HTR1F: variants seen among roughly 807,000 people sequenced by gnomAD.
HTR1F encodes 5-hydroxytryptamine (serotonin) receptor 1F, G protein-coupled.
A neutral mutation model predicts 24.0 loss-of-function variants in HTR1F; 17 were observed. The ratio of observed to expected loss-of-function variants is 0.71; its 90% CI spans 0.48 to 1.06. The LOEUF (loss-of-function observed/expected upper bound fraction) is 1.06, where lower values mean the gene tolerates loss of function less well. Among genes scored for constraint, HTR1F ranks in the 50% least tolerant of loss-of-function variants. HTR1F has a pLI of 0.00. For synonymous variants in HTR1F, 186 were observed against 156.8 expected (o/e 1.19, Z -1.39); for missense variants, 391 against 427.8 (o/e 0.91, Z 0.76).
intron 2 of HTR1F, among the ~76,000 whole-genome samples, chr3:87,837,490 G>A (rs1368094283): frequency 6.6e-6 from 1 of 152,002 alleles, no homozygotes; most frequent in Admixed American, 6.6e-5. Flanking sequence ...TCCGGAAGCT[G>A]AATATGTGTC....
intron 2 of HTR1F, among the ~76,000 whole-genome samples, chr3:87,967,816 T>A (rs868733245): frequency 5.3e-5 from 8 of 152,214 alleles, no homozygotes; most frequent in Middle Eastern, 6.3e-3. Context: ...GTCTCAGGTA[T>A]GTGTATCAGC....
chr3:87,850,086 G>A lies in HTR1F; in HGVS notation c.-43+27962G>A, dbSNP rs1229033145. Reference sequence around the variant, plus strand: ...GGATCTAAAACTAGAAATACCGTTTGACCCAGCCATCCCATTACTGGGTAT... The same window carrying A: ...GGATCTAAAACTAGAAATACCGTTTAACCCAGCCATCCCATTACTGGGTAT... On this transcript the variant is annotated intron_variant, in intron 2 of 2. Coordinates refer to ENST00000319595, the MANE Select transcript of HTR1F (RefSeq NM_001322209.2). Among the ~76,000 whole-genome samples the A allele has an allele frequency of 3.3e-5, 5 of 151,910 alleles. 2 individuals carry two copies. The highest frequency in any genetic ancestry group is 1.2e-4 in the African/African-American group (5 of 41,208).
intron 2 of HTR1F, among the ~76,000 whole-genome samples, chr3:87,940,885 G>A (rs996080017): frequency 3.9e-5 from 6 of 152,282 alleles, no homozygotes; most frequent in African/African-American, 1.2e-4. Flanking sequence ...ATCATGAGAT[G>A]TCCACACAGT....
intron 2 of HTR1F, among the ~76,000 whole-genome samples, chr3:87,849,486 A>T (rs1559604768): frequency 6.6e-6 from 1 of 151,928 alleles, no homozygotes; most frequent in Admixed American, 6.6e-5. Flanking sequence ...TACATGTTAG[A>T]CCTAAAACCA....
At chr3:87,806,597 C>T (rs1020746471) in intron 1 of HTR1F, among the ~76,000 whole-genome samples, 5 of 151,962 alleles carry the variant, frequency 3.3e-5, no homozygotes, top group African/African-American at 1.2e-4. Flanking sequence ...TTCTCCTATT[C>T]AACAGGTTGT....
intron 2 of HTR1F, among the ~76,000 whole-genome samples, chr3:87,909,193 A>G (rs547029952): frequency 2.7e-4 from 41 of 152,142 alleles, no homozygotes; most frequent in Admixed American, 1.6e-3. Flanking sequence ...AGGAGATAGC[A>G]TATGGTGTGG....
intron 2 of HTR1F, among the ~76,000 whole-genome samples, chr3:87,888,286 A>G (rs1222592122): frequency 6.6e-6 from 1 of 152,140 alleles, no homozygotes; most frequent in Non-Finnish European, 1.5e-5. Context: ...ACTTGGATAC[A>G]GGAAAGGGAA....
intron 2 of HTR1F, among the ~76,000 whole-genome samples, chr3:87,967,383 G>A (rs914141178): frequency 1.8e-4 from 28 of 152,068 alleles, no homozygotes; most frequent in African/African-American, 6.5e-4. Context: ...CAAGGAGGCG[G>A]AGGTTACAAT....
intron 2 of HTR1F, among the ~76,000 whole-genome samples, chr3:87,922,264 T>C (rs939959607): frequency 6.6e-6 from 1 of 152,002 alleles, no homozygotes; most frequent in Non-Finnish European, 1.5e-5. Flanking sequence ...CATTTGCATT[T>C]TCCTGATTAA....
intron 2 of HTR1F, among the ~76,000 whole-genome samples, chr3:87,868,529 A>G (rs1306482381): frequency 6.6e-6 from 1 of 151,944 alleles, no homozygotes; most frequent in Non-Finnish European, 1.5e-5. Flanking sequence ...ATCTTTGAAT[A>G]TATTCTGTTT....
chr3:87,949,777 T>G (rs906406696), intron 2 of HTR1F, among the ~76,000 whole-genome samples: 1 of 152,212 alleles, frequency 6.6e-6, no homozygotes, highest in Non-Finnish European at 1.5e-5. Context: ...CTTCATTTTC[T>G]TTCATTTTCT....
intron 2 of HTR1F, among the ~76,000 whole-genome samples, chr3:87,867,733 T>C (rs542572527): frequency 2.6e-5 from 4 of 152,146 alleles, no homozygotes; most frequent in Non-Finnish European, 4.4e-5. Flanking sequence ...ATCATATTAC[T>C]AAAAGTGTTC....
intron 2 of HTR1F, among the ~76,000 whole-genome samples, chr3:87,945,721 G>A (rs879426935): frequency 7.9e-5 from 12 of 152,152 alleles, no homozygotes; most frequent in Admixed American, 3.3e-4. Flanking sequence ...CAGCAGCCAC[G>A]CTAATCGTTT....
chr3:87,986,300 C>T (rs574772254), intron 2 of HTR1F, among the ~76,000 whole-genome samples: 2 of 152,200 alleles, frequency 1.3e-5, no homozygotes, highest in East Asian at 3.9e-4. Context: ...AAAAATAAAA[C>T]CCAACGCCAT....
At chr3:87,962,578 T>C (rs1483192058) in intron 2 of HTR1F, among the ~76,000 whole-genome samples, 2 of 152,054 alleles carry the variant, frequency 1.3e-5, no homozygotes, top group Non-Finnish European at 2.9e-5. Flanking sequence ...AATTCATTCA[T>C]TATAAATATA....
chr3:87,965,103 A>G (rs1219226845), intron 2 of HTR1F, among the ~76,000 whole-genome samples: 1 of 152,162 alleles, frequency 6.6e-6, no homozygotes, highest in African/African-American at 2.4e-5. Context: ...ATCCAGTCTC[A>G]GCTATGTCTT....
At chr3:87,798,388 T>G (rs1301933842) in intron 1 of HTR1F, among the ~76,000 whole-genome samples, 2 of 152,044 alleles carry the variant, frequency 1.3e-5, no homozygotes, top group Non-Finnish European at 2.9e-5. Context: ...CAATCTGAAT[T>G]TTGCTTCATA....
At chr3:87,949,272 G>A (rs774060566) in intron 2 of HTR1F, among the ~76,000 whole-genome samples, 2 of 152,132 alleles carry the variant, frequency 1.3e-5, no homozygotes, top group Non-Finnish European at 2.9e-5. Flanking sequence ...TAACTACTTA[G>A]GCATTTATTA....
intron 2 of HTR1F, among the ~76,000 whole-genome samples, chr3:87,868,006 A>C (rs998142316): frequency 2.6e-5 from 4 of 152,122 alleles, no homozygotes; most frequent in Non-Finnish European, 5.9e-5. Context: ...AGTTTGCCTT[A>C]AAAATTCCAT....
Sources: gnomAD v4.1 joint callset for allele counts (sites outside exome capture counted in the v4.1 genomes callset) on GRCh38, gnomAD v4.1.1 for gene constraint, MANE v1.5 for transcripts, NCBI Gene and HGNC (gene_info 2026-07-23, HGNC 2026-07-21) for gene names.